Variants in MARCHF11 observed in about 807,000 individuals in gnomAD.
MARCHF11 encodes E3 ubiquitin-protein ligase MARCHF11.
MARCHF11 carries 29 observed loss-of-function variants against 37.3 expected under a neutral mutation model. The observed-to-expected ratio is 0.78, with a 90% CI of 0.58 to 1.06. MARCHF11 has a LOEUF of 1.06. Among genes scored for constraint, MARCHF11 ranks in the 50% least tolerant of loss-of-function variants. The probability of loss-of-function intolerance (pLI) is 0.00; values close to 1 mark genes in which losing one functional copy is unlikely to be tolerated. For missense variants in MARCHF11, 482 were observed against 533.4 expected (o/e 0.90, Z 0.95); for synonymous variants, 233 against 228.0 (o/e 1.02, Z -0.20).
At chr5:16,133,185 TAAG>T (rs1380401080) in intron 2 of MARCHF11, among the ~76,000 whole-genome samples, 1 of 152,152 alleles carries the variant, frequency 6.6e-6, no homozygotes, top group Non-Finnish European at 1.5e-5. Context: ...TTCCTCCCAC[TAAG>T]AAGTAGAGTG....
chr5:16,134,861 G>T (rs1298865762), intron 2 of MARCHF11, among the ~76,000 whole-genome samples: 2 of 152,008 alleles, frequency 1.3e-5, no homozygotes, highest in Non-Finnish European at 2.9e-5. Context: ...AAAAATTTAG[G>T]TATATAAAAC....
chr5:16,135,825 C>T (rs1278404865), intron 2 of MARCHF11, among the ~76,000 whole-genome samples: 1 of 119,886 alleles, frequency 8.3e-6, no homozygotes, highest in Non-Finnish European at 1.7e-5. Context: ...TGGAAAAATA[C>T]ATCAAAGACC....
rs756889755 is a variant in MARCHF11, at chr5:16,084,755, A to AAT, written c.886+6133_886+6134insAT. On this transcript the variant is annotated intron_variant, in intron 3 of 3. Transcript: ENST00000332432. ...AGCATGAACTTTCTGTAGAAGGAGC[A>AAT]GTTTTTTTTTTTTTTAGTATTAAAT... Among the ~76,000 whole-genome samples the AAT allele has an allele frequency of 5.4e-4, 46 of 85,616 alleles. No homozygotes were observed. The East Asian group carries it at 9.4e-3, about 17-fold the overall frequency. 56.2% of individuals were successfully genotyped at this position (85,616 alleles called of 152,430 possible). A position where few individuals can be genotyped will look rare whatever the true frequency, so the allele number is the denominator to read the frequency against.
chr5:16,179,568 A>G lies in MARCHF11; in HGVS notation c.8T>C (p.Phe3Ser). ...CCGACTGCCGCCGTGGCCGCCCTCAAAGCTCATGGTTGTGCCGCCGCCGCC... is the reference window on the plus strand; with the variant it reads ...CCGACTGCCGCCGTGGCCGCCCTCAGAGCTCATGGTTGTGCCGCCGCCGCC... MS[F>S]EGGHGGSRCR... The change falls in exon 1 of 4, where the codon TTT (phenylalanine) becomes TCT (serine). Residue 3 changes from phenylalanine (F) to serine (S), a missense_variant. Coordinates refer to ENST00000332432, the MANE Select transcript of MARCHF11 (RefSeq NM_001102562.3). The G allele has an allele frequency of 8.5e-7, 1 of 1,176,054 alleles. No individual in the cohort carries two copies. Among genetic ancestry groups the G allele is most frequent in the South Asian group, 4.2e-5 (1 of 23,732 alleles). 72.9% of individuals were successfully genotyped at this position (1,176,054 alleles called of 1,614,324 possible). A position where few individuals can be genotyped will look rare whatever the true frequency, so the allele number is the denominator to read the frequency against.
At chr5:16,092,738 G>GTAAAA (rs1376848455) in intron 2 of MARCHF11, among the ~76,000 whole-genome samples, 1 of 152,058 alleles carries the variant, frequency 6.6e-6, no homozygotes, top group Non-Finnish European at 1.5e-5. Context: ...GAACTTAAAA[G>GTAAAA]TAAAATAAAA....
intron 3 of MARCHF11, 61 bp downstream of exon 3, chr5:16,090,828 C>T (rs759728866): frequency 2.6e-5 from 33 of 1,292,222 alleles, no homozygotes; most frequent in Non-Finnish European, 3.3e-5. Context: ...ATGGTGAAAA[C>T]GTAATCGCTG....
chr5:16,153,210 A>T (rs1194415959), intron 2 of MARCHF11, among the ~76,000 whole-genome samples: 1 of 152,016 alleles, frequency 6.6e-6, no homozygotes, highest in Non-Finnish European at 1.5e-5. Context: ...GGCTTGGATT[A>T]GACATGAAAA....
intron 2 of MARCHF11, among the ~76,000 whole-genome samples, chr5:16,096,949 C>T (rs895726727): frequency 1.3e-5 from 2 of 152,110 alleles, no homozygotes; most frequent in Non-Finnish European, 2.9e-5. Context: ...GTTCAGGGTG[C>T]CTTAAATCAT....
intron 2 of MARCHF11, among the ~76,000 whole-genome samples, chr5:16,096,182 C>T (rs1469674769): frequency 2.0e-5 from 3 of 152,190 alleles, no homozygotes; most frequent in African/African-American, 4.8e-5. Context: ...TCAGTCATAC[C>T]TACTTGAAAG....
intron 2 of MARCHF11, among the ~76,000 whole-genome samples, chr5:16,148,447 A>G (rs1197440177): frequency 2.6e-5 from 4 of 152,034 alleles, no homozygotes; most frequent in African/African-American, 9.7e-5. Flanking sequence ...CCTGGTACCA[A>G]TTTCCAAACC....
At chr5:16,124,099 T>C (rs1737360115) in intron 2 of MARCHF11, among the ~76,000 whole-genome samples, 2 of 152,096 alleles carry the variant, frequency 1.3e-5, no homozygotes, top group South Asian at 2.1e-4. Context: ...GAGAGTGACG[T>C]TGCAGGCCTG....
At position 16,132,061 on chromosome 5, in the gene MARCHF11, T is replaced by C. The variant is rs568017321; in HGVS notation, c.694-40980A>G. 3.3e-5 allele frequency among the ~76,000 whole-genome samples: 5 copies of C among 152,350 alleles called. No homozygotes were observed. The South Asian group carries it at 8.3e-4, about 25-fold the overall frequency. On this transcript the variant is annotated intron_variant, in intron 2 of 3. Transcript: ENST00000332432. ...ATTTCATCCCTGATCCAGAGCCCCA[T>C]GGCAAGGGCTCAGAGCATCTACCAA... is the stretch of plus-strand genomic sequence containing the variant.
chr5:16,123,421 C>T (rs993269914), intron 2 of MARCHF11, among the ~76,000 whole-genome samples: 1 of 152,106 alleles, frequency 6.6e-6, no homozygotes, highest in Non-Finnish European at 1.5e-5. Flanking sequence ...CAGAAGGAAA[C>T]AATTTTGCTG....
intron 2 of MARCHF11, among the ~76,000 whole-genome samples, chr5:16,110,976 A>C (rs1737127451): frequency 6.6e-6 from 1 of 152,220 alleles, no homozygotes. Flanking sequence ...TGGTTTTATA[A>C]GGGGAAATTC....
intron 3 of MARCHF11, among the ~76,000 whole-genome samples, chr5:16,076,805 C>T (rs1266011072): frequency 2.6e-5 from 4 of 152,232 alleles, no homozygotes; most frequent in Non-Finnish European, 5.9e-5. Context: ...TGCCCGTGTG[C>T]TTGCTCTGCA....
intron 2 of MARCHF11, among the ~76,000 whole-genome samples, chr5:16,165,336 A>T (rs562322478): frequency 6.6e-6 from 1 of 152,186 alleles, no homozygotes; most frequent in Admixed American, 6.6e-5. Context: ...CTCTGAACCC[A>T]GTTCCCCTAT....
intron 2 of MARCHF11, 64 bp from the exon 3 acceptor site, chr5:16,091,145 T>C (rs1440127046): frequency 3.3e-5 from 36 of 1,083,926 alleles, no homozygotes; most frequent in Non-Finnish European, 4.3e-5. Context: ...AAAAAAAACA[T>C]TTTCAGTCCT....
intron 3 of MARCHF11, among the ~76,000 whole-genome samples, chr5:16,077,331 C>A (rs1466495151): frequency 2.6e-5 from 4 of 151,854 alleles, no homozygotes; most frequent in Non-Finnish European, 5.9e-5. Flanking sequence ...TTTTCTCCAA[C>A]GGATAAACTG....
chr5:16,124,494 A>G (rs1737366204), intron 2 of MARCHF11, among the ~76,000 whole-genome samples: 1 of 152,188 alleles, frequency 6.6e-6, no homozygotes, highest in South Asian at 2.1e-4. Context: ...CAAAAGTAAG[A>G]CACGGGAATC....
Sources: gnomAD v4.1 joint callset for allele counts (sites outside exome capture counted in the v4.1 genomes callset) on GRCh38, gnomAD v4.1.1 for gene constraint, MANE v1.5 for transcripts, NCBI Gene and HGNC (gene_info 2026-07-23, HGNC 2026-07-21) for gene names.